FSTL5: variants seen among roughly 807,000 people sequenced by gnomAD.
FSTL5 encodes the protein follistatin like 5.
FSTL5 carries 62 observed loss-of-function variants against 89.1 expected under a neutral mutation model. The observed-to-expected ratio is 0.70, with a 90% confidence interval of 0.57 to 0.86. The LOEUF is 0.86. Among genes scored for constraint, FSTL5 ranks in the 40% least tolerant of loss-of-function variants. FSTL5 has a pLI of 0.00. For synonymous variants in FSTL5, 383 were observed against 346.2 expected (o/e 1.11, Z -1.18); for missense variants, 1,057 against 1,001.6 (o/e 1.06, Z -0.75).
intron 15 of FSTL5, among the ~76,000 whole-genome samples, chr4:161,450,741 A>ATTTTTTTTTTTTTTTT (rs70937651): frequency 7.6e-6 from 1 of 131,586 alleles, no homozygotes; most frequent in African/African-American, 2.9e-5. Context: ...ATTCATCTTC[A>ATTTTTTTTTTTTTTTT]TTTTTTTTTT....
At chr4:161,429,372 G>A (rs148733335) in intron 15 of FSTL5, among the ~76,000 whole-genome samples, 34 of 152,256 alleles carry the variant, frequency 2.2e-4, no homozygotes, top group African/African-American at 7.7e-4. Flanking sequence ...GCAAACATAG[G>A]TGCTAACTAG....
chr4:161,729,224 A>G (rs1004312453), intron 6 of FSTL5, among the ~76,000 whole-genome samples: 1 of 152,214 alleles, frequency 6.6e-6, no homozygotes, highest in Non-Finnish European at 1.5e-5. Flanking sequence ...CCAGAATAAC[A>G]AATGATTTTT....
At chr4:161,869,519 C>T (rs897222304) in intron 4 of FSTL5, among the ~76,000 whole-genome samples, 2 of 152,170 alleles carry the variant, frequency 1.3e-5, no homozygotes, top group Non-Finnish European at 2.9e-5. Context: ...AGAGATTATG[C>T]TAATTTCAGC....
At chr4:161,760,277 T>C (rs1740740887) in intron 5 of FSTL5, among the ~76,000 whole-genome samples, 1 of 152,194 alleles carries the variant, frequency 6.6e-6, no homozygotes, top group East Asian at 1.9e-4. Flanking sequence ...TAACAGAGCT[T>C]ACCAAGATTT....
At chr4:161,638,784 A>G (rs1030675109) in intron 7 of FSTL5, among the ~76,000 whole-genome samples, 1 of 133,698 alleles carries the variant, frequency 7.5e-6, no homozygotes, top group Admixed American at 8.1e-5. Context: ...GCAGCACATC[A>G]AAAAGCTTAT....
intron 6 of FSTL5, among the ~76,000 whole-genome samples, chr4:161,736,313 C>A (rs1164005031): frequency 1.0e-5 from 1 of 97,666 alleles, no homozygotes; most frequent in Non-Finnish European, 3.0e-5. Context: ...ATTATTAAGT[C>A]TTCTTGCTTA....
rs547564227 is a variant in FSTL5, at chr4:161,527,315, G to A, written c.1312+10851C>T. On this transcript the variant is annotated intron_variant, in intron 10 of 15. Coordinates refer to ENST00000306100, the MANE Select transcript of FSTL5 (RefSeq NM_020116.5). ...AAATGGGATCTAATTAAACTAAAGA[G>A]CTTCTGCACAGCAAAAGAAACTACC... 7.0e-4 allele frequency among the ~76,000 whole-genome samples: 107 copies of A among 152,254 alleles called. No individual in the cohort carries two copies. In the East Asian group the frequency reaches 0.02, roughly 28 times the overall value.
chr4:161,732,445 G>A (rs1457001078), intron 6 of FSTL5, among the ~76,000 whole-genome samples: 1 of 151,554 alleles, frequency 6.6e-6, no homozygotes, highest in East Asian at 1.9e-4. Flanking sequence ...ATTCTATGGG[G>A]GACCTTTTCA....
At chr4:161,686,330 ATATATATATATATATATTTTTTTTTTT>A (rs1382053553) in intron 6 of FSTL5, among the ~76,000 whole-genome samples, 14 of 8,470 alleles carry the variant, frequency 1.7e-3, no homozygotes, top group Non-Finnish European at 2.8e-3. Context: ...ATATATATAT[ATATATATATATATATATTTTTTTTTTT>A]TTTTTTTTTT....
intron 4 of FSTL5, among the ~76,000 whole-genome samples, chr4:161,830,902 T>C (rs1454430461): frequency 1.3e-5 from 2 of 151,950 alleles, no homozygotes; most frequent in Admixed American, 6.6e-5. Flanking sequence ...CCAGACCCCA[T>C]AGGATTCTGC....
intron 8 of FSTL5, among the ~76,000 whole-genome samples, chr4:161,564,444 T>C (rs1732728272): frequency 1.3e-5 from 2 of 151,050 alleles, no homozygotes; most frequent in South Asian, 4.2e-4. Flanking sequence ...TTACCATATG[T>C]TTTGCTAAAA....
intron 2 of FSTL5, among the ~76,000 whole-genome samples, chr4:162,045,015 T>C (rs947556548): frequency 6.6e-6 from 1 of 152,210 alleles, no homozygotes; most frequent in African/African-American, 2.4e-5. Context: ...TCATTATTCA[T>C]ACATTCACTA....
intron 8 of FSTL5, among the ~76,000 whole-genome samples, chr4:161,577,008 A>G (rs1284166718): frequency 6.6e-6 from 1 of 152,208 alleles, no homozygotes; most frequent in Admixed American, 6.5e-5. Context: ...CAGTCATATA[A>G]GTTCTTTAAA....
rs184038693 is a variant in FSTL5, at chr4:161,448,639, C to T, written c.1841+6365G>A. Among the ~76,000 whole-genome samples the T allele has an allele frequency of 2.0e-3, 303 of 152,212 alleles. 2 individuals carry two copies. The highest frequency in any genetic ancestry group is 6.3e-3 in the African/African-American group (262 of 41,532). ...TGCTATAGACCACTCTCCAGACTGC[C>T]GGAGCGGTGTCCGCTACTTACTCTC... On this transcript the variant is annotated intron_variant, in intron 15 of 15. Transcript: ENST00000306100.
chr4:161,783,854 C>G (rs1444449177), intron 4 of FSTL5, among the ~76,000 whole-genome samples: 2 of 149,212 alleles, frequency 1.3e-5, no homozygotes, highest in African/African-American at 5.0e-5. Context: ...CAACCTCTGC[C>G]CCTTGGGTTC....
chr4:161,866,539 C>G (rs1206337413), intron 4 of FSTL5, among the ~76,000 whole-genome samples: 2 of 149,212 alleles, frequency 1.3e-5, no homozygotes, highest in Non-Finnish European at 3.0e-5. Flanking sequence ...CTCCAAAACT[C>G]TTGCCTCAGG....
At chr4:161,778,548 C>T (rs1741505755) in intron 4 of FSTL5, among the ~76,000 whole-genome samples, 1 of 152,190 alleles carries the variant, frequency 6.6e-6, no homozygotes, top group African/African-American at 2.4e-5. Context: ...AGATGATAGA[C>T]TGTCTTTATT....
intron 7 of FSTL5, among the ~76,000 whole-genome samples, chr4:161,629,156 C>CG (rs1735412868): frequency 1.3e-5 from 2 of 152,152 alleles, no homozygotes; most frequent in African/African-American, 2.4e-5. Flanking sequence ...GGCTGTCCAA[C>CG]ATAAGTCTCA....
At chr4:162,072,815 C>T (rs1189741608) in intron 2 of FSTL5, among the ~76,000 whole-genome samples, 1 of 151,690 alleles carries the variant, frequency 6.6e-6, no homozygotes, top group African/African-American at 2.4e-5. Context: ...ACATATAAAT[C>T]GGTAGACCAA....
Sources: gnomAD v4.1 joint callset for allele counts (sites outside exome capture counted in the v4.1 genomes callset) on GRCh38, gnomAD v4.1.1 for gene constraint, MANE v1.5 for transcripts, NCBI Gene and HGNC (gene_info 2026-07-23, HGNC 2026-07-21) for gene names.